The following GRM1 variants were observed in gnomAD, a reference collection of about 807,000 sequenced individuals.
The protein encoded by GRM1 is glutamate metabotropic receptor 1.
In GRM1, 33 loss-of-function variants were observed where a neutral mutation model predicts 90.9. That is an observed-to-expected ratio of 0.36 (90% CI 0.28 to 0.49). The LOEUF (loss-of-function observed/expected upper bound fraction) is 0.49, where lower values mean the gene tolerates loss of function less well. GRM1 is among the 20% of genes least tolerant of loss of function. The pLI is 0.99. For synonymous variants in GRM1, 700 were observed against 613.2 expected (o/e 1.14, Z -2.09); for missense variants, 1,190 against 1,534.3 (o/e 0.78, Z 3.75).
intron 1 of GRM1, among the ~76,000 whole-genome samples, chr6:146,072,983 G>GTGCTTACTCAGATGCTTACCTGT (rs1776063939): frequency 6.6e-6 from 1 of 152,084 alleles, no homozygotes; most frequent in African/African-American, 2.4e-5. Flanking sequence ...GTGGCCACCT[G>GTGCTTACTCAGATGCTTACCTGT]AATATGTATA....
chr6:146,028,224 T>G, upstream of GRM1, among the ~76,000 whole-genome samples: 1 of 135,900 alleles, frequency 7.4e-6, no homozygotes, highest in East Asian at 2.2e-4. Flanking sequence ...GGGACTCGAG[T>G]GGAAGGGAGT....
At chr6:146,244,909 T>C (rs186229949) in intron 2 of GRM1, among the ~76,000 whole-genome samples, 11 of 152,368 alleles carry the variant, frequency 7.2e-5, no homozygotes, top group African/African-American at 2.6e-4. Context: ...TCTCAGCTAC[T>C]GCTGATAATT....
intron 2 of GRM1, among the ~76,000 whole-genome samples, chr6:146,247,886 C>T (rs955155315): frequency 4.8e-5 from 7 of 147,084 alleles, no homozygotes; most frequent in African/African-American, 1.7e-4. Flanking sequence ...TAATATGTTA[C>T]AGTATGCTAT....
chr6:146,072,329 A>C (rs186903561), intron 1 of GRM1, among the ~76,000 whole-genome samples: 293 of 152,272 alleles, frequency 1.9e-3, no homozygotes, highest in African/African-American at 6.7e-3. Context: ...AAAATGACCA[A>C]GATAATATCT....
intron 2 of GRM1, among the ~76,000 whole-genome samples, chr6:146,224,358 G>C (rs1037554745): frequency 5.3e-5 from 8 of 152,060 alleles, no homozygotes; most frequent in African/African-American, 1.9e-4. Context: ...CTATTTTAAT[G>C]ATGGTTATAA....
chr6:146,155,873 C>A (rs1480456439), intron 1 of GRM1, among the ~76,000 whole-genome samples: 1 of 152,154 alleles, frequency 6.6e-6, no homozygotes, highest in East Asian at 1.9e-4. Context: ...TGTTGGAATG[C>A]AAGTGTAGCT....
In GRM1 at chr6:146,434,230, C is replaced by A. The variant is rs749799702; in HGVS notation, c.3019C>A (p.Pro1007Thr). The change falls in exon 8 of 8, where the codon CCA becomes ACA. Residue 1007 changes from proline to threonine, a missense_variant. Physicochemically the swap from Pro to Thr is conservative, Grantham distance 38. Coordinates refer to ENST00000282753, the MANE Select transcript of GRM1 (RefSeq NM_001278064.2). ...GGAGACCCCCCTCTTCCTGGCCGAA[C>A]CAGCCCTCCCCAAGGGCTTGCCCCC... is the stretch of plus-strand genomic sequence containing the variant. The part of the protein sequence containing the change: ...AEETPLFLAE[P>T]ALPKGLPPPL... The A allele has an allele frequency of 6.2e-7, 1 of 1,605,316 alleles. No individual in the cohort carries two copies. The highest frequency in any genetic ancestry group is 8.5e-7 in the Non-Finnish European group (1 of 1,174,370).
At chr6:146,262,168 T>C (rs1781718245) in intron 2 of GRM1, among the ~76,000 whole-genome samples, 1 of 151,130 alleles carries the variant, frequency 6.6e-6, no homozygotes, top group Non-Finnish European at 1.5e-5. Flanking sequence ...AATGTAAAAA[T>C]GGCCAAGAAT....
At chr6:146,236,625 C>A (rs959100801) in intron 2 of GRM1, among the ~76,000 whole-genome samples, 1 of 152,088 alleles carries the variant, frequency 6.6e-6, no homozygotes, top group Admixed American at 6.6e-5. Context: ...GTATATATTT[C>A]TTTTCCTCCA....
chr6:146,431,900 G>A (rs1279269423), intron 7 of GRM1, among the ~76,000 whole-genome samples: 1 of 152,196 alleles, frequency 6.6e-6, no homozygotes, highest in Non-Finnish European at 1.5e-5. Flanking sequence ...TGATGGGGCA[G>A]TTGAAAAAGA....
At chr6:146,063,839 A>G (rs540347928) in intron 1 of GRM1, among the ~76,000 whole-genome samples, 1 of 152,278 alleles carries the variant, frequency 6.6e-6, no homozygotes, top group Non-Finnish European at 1.5e-5. Context: ...TCCTGTATTA[A>G]TGGAATAGGA....
intron 2 of GRM1, among the ~76,000 whole-genome samples, chr6:146,202,695 A>T (rs1779340223): frequency 6.6e-6 from 1 of 152,082 alleles, no homozygotes; most frequent in Admixed American, 6.5e-5. Flanking sequence ...TAGCACTCTC[A>T]CTGGTCAGCT....
rs201053682 is a variant in GRM1, at chr6:146,159,460, C to T, written c.813C>T (p.Asp271=). Residue 271 remains aspartate, a synonymous_variant, in exon 2 of 8, where the codon GAC becomes GAT. Coordinates refer to ENST00000282753, the MANE Select transcript of GRM1 (RefSeq NM_001278064.2). ...IYSNAGEKSF[D]RLLRKLRERL... is the part of the protein sequence containing the mutation. Reference sequence around the variant, plus strand: ...GCAACGCTGGGGAGAAGAGCTTTGACCGACTCTTGCGCAAACTCCGAGAGA... The same window carrying T: ...GCAACGCTGGGGAGAAGAGCTTTGATCGACTCTTGCGCAAACTCCGAGAGA... The T allele has an allele frequency of 4.3e-5, 70 of 1,614,192 alleles. No homozygotes were observed. In the East Asian group the frequency reaches 1.0e-3, roughly 23 times the overall value.
rs188875426 is a variant in GRM1 at position 146,116,279 on chromosome 6, A to T, written c.701-43069A>T. ...GCCCCCATTCATCAATTTAAGAGAG[A>T]TATTTATTTATTTTTTAATTCAGTG... On this transcript the variant is annotated intron_variant, in intron 1 of 7. Transcript: ENST00000282753. Among the ~76,000 whole-genome samples, 225 of 152,174 alleles carry T rather than the reference A, an allele frequency of 1.5e-3. 1 individual carries two copies. Among genetic ancestry groups the T allele is most frequent in the African/African-American group, 5.3e-3 (218 of 41,512 alleles).
rs143227110 is a variant in GRM1 at position 146,223,251 on chromosome 6, T to C, written c.950+63654T>C. 1.7e-3 allele frequency among the ~76,000 whole-genome samples: 257 copies of C among 152,234 alleles called. 1 individual carries two copies. The highest frequency in any genetic ancestry group is 5.9e-3 in the African/African-American group (244 of 41,540). ...CTTCCTGCACCTTTGTACACACTTA[T>C]GCCCCAGTCTTATCTAAATAACATC... On this transcript the variant is annotated intron_variant, in intron 2 of 7. Coordinates refer to ENST00000282753, the MANE Select transcript of GRM1 (RefSeq NM_001278064.2).
chr6:146,069,125 C>T (rs1775946862), intron 1 of GRM1, among the ~76,000 whole-genome samples: 3 of 152,130 alleles, frequency 2.0e-5, no homozygotes, highest in Admixed American at 6.6e-5. Flanking sequence ...GATTATCAGA[C>T]TTCTTTGTGG....
intron 1 of GRM1, among the ~76,000 whole-genome samples, chr6:146,124,779 C>A (rs1776133688): frequency 6.6e-6 from 1 of 152,092 alleles, no homozygotes; most frequent in South Asian, 2.1e-4. Context: ...GCATGCTTAT[C>A]TTTTTAACAA....
At chr6:146,101,078 G>T (rs758469565) in intron 1 of GRM1, among the ~76,000 whole-genome samples, 2 of 152,142 alleles carry the variant, frequency 1.3e-5, no homozygotes, top group Admixed American at 6.5e-5. Flanking sequence ...GAATGACAAA[G>T]TGAGAACCTA....
intron 3 of GRM1, among the ~76,000 whole-genome samples, chr6:146,333,311 C>CT (rs2114998683): frequency 6.6e-6 from 1 of 152,202 alleles, no homozygotes; most frequent in African/African-American, 2.4e-5. Context: ...GGGTGAACTC[C>CT]TAAAGGACCA....
Sources: allele counts gnomAD v4.1 joint callset (sites outside exome capture counted in the v4.1 genomes callset), GRCh38; gene constraint gnomAD v4.1.1; transcripts MANE v1.5; gene names NCBI Gene and HGNC (gene_info 2026-07-23, HGNC 2026-07-21).